Variants in NCOR1 observed in about 807,000 individuals in gnomAD.
The protein encoded by NCOR1 is nuclear receptor corepressor 1, also known as protein phosphatase 1, regulatory subunit 109.
A neutral mutation model predicts 288.1 loss-of-function variants in NCOR1; 63 were observed. The observed-to-expected ratio is 0.22, with a 90% CI of 0.18 to 0.27. The LOEUF is 0.27. Among genes scored for constraint, NCOR1 ranks in the 10% least tolerant of loss-of-function variants. NCOR1 has a pLI of 1.00. For synonymous variants in NCOR1, 1,007 were observed against 1,065.9 expected (o/e 0.94, Z 1.08); for missense variants, 2,397 against 3,019.2 (o/e 0.79, Z 4.83).
At chr17:16,194,179 G>C (rs1286266797) in intron 2 of NCOR1, among the ~76,000 whole-genome samples, 2 of 151,998 alleles carry the variant, frequency 1.3e-5, no homozygotes, top group African/African-American at 2.4e-5. Context: ...TATAAATATA[G>C]GTCTTACCCC....
At chr17:16,195,385 C>T (rs546220974) in intron 1 of NCOR1, among the ~76,000 whole-genome samples, 6 of 152,070 alleles carry the variant, frequency 3.9e-5, no homozygotes, top group South Asian at 2.1e-4. Flanking sequence ...GCAGGAGAAT[C>T]GCTTGAGCCT....
At chr17:16,048,738 A>C in intron 41 of NCOR1, 107 bp downstream of exon 41, 2 of 1,242,856 alleles carry the variant, frequency 1.6e-6, no homozygotes, top group Non-Finnish European at 2.1e-6. Context: ...AATGCCATCC[A>C]GACATAAAAG....
intron 15 of NCOR1, chr17:16,122,778 A>AGACACGT (rs1238932242): frequency 2.0e-5 from 3 of 152,474 alleles, no homozygotes; most frequent in Non-Finnish European, 4.4e-5. Flanking sequence ...CTGGGACTAC[A>AGACACGT]GACACGTGCC....
chr17:16,036,662 CT>C (rs1376680173), intron 44 of NCOR1, among the ~76,000 whole-genome samples: 20 of 152,248 alleles, frequency 1.3e-4, no homozygotes, highest in African/African-American at 4.8e-4. Flanking sequence ...TCTTCAACCT[CT>C]GAATGGCCTC....
At position 16,073,418 on chromosome 17, in the gene NCOR1, CAA is replaced by C. The variant is rs2152749781; in HGVS notation, c.3811+9_3811+10del. The C allele has an allele frequency of 6.4e-7, 1 of 1,554,278 alleles. No homozygotes were observed. Among genetic ancestry groups the C allele is most frequent in the East Asian group, 2.4e-5 (1 of 42,206 alleles). The stretch of plus-strand genomic sequence containing the variant: ...ATGTATCAAAATAACATTCTGAAAA[CAA>C]TGCTTTACCCTCTAACGGTGCTGAT... On this transcript the variant is annotated intron_variant, in intron 28 of 45. Coordinates refer to ENST00000268712, the MANE Select transcript of NCOR1 (RefSeq NM_006311.4).
intron 1 of NCOR1, among the ~76,000 whole-genome samples, chr17:16,210,022 C>G (rs780786054): frequency 5.9e-5 from 9 of 151,824 alleles, no homozygotes; most frequent in Non-Finnish European, 1.3e-4. Context: ...ATCCTTCATA[C>G]TTAAAAAAAA....
intron 2 of NCOR1, among the ~76,000 whole-genome samples, chr17:16,189,292 G>A (rs945912730): frequency 2.0e-5 from 3 of 152,120 alleles, no homozygotes; most frequent in Non-Finnish European, 2.9e-5. Context: ...TACTCAGGAG[G>A]CTGAGGCATG....
At chr17:16,095,258 C>A (rs1298808498) in intron 21 of NCOR1, among the ~76,000 whole-genome samples, 1 of 150,382 alleles carries the variant, frequency 6.6e-6, no homozygotes, top group African/African-American at 2.4e-5. Flanking sequence ...CCGGCCGCGA[C>A]CCCGTCTGGG....
intron 3 of NCOR1, among the ~76,000 whole-genome samples, chr17:16,172,491 T>C (rs1206594861): frequency 1.3e-5 from 2 of 152,204 alleles, no homozygotes; most frequent in Non-Finnish European, 2.9e-5. Context: ...AATGCCATAA[T>C]AATTAAATTT....
At chr17:16,102,596 TA>T (rs1422168847) in intron 19 of NCOR1, among the ~76,000 whole-genome samples, 1 of 151,062 alleles carries the variant, frequency 6.6e-6, no homozygotes, top group East Asian at 2.0e-4. Flanking sequence ...TCTGCATATC[TA>T]ATTTTTTTTT....
intron 18 of NCOR1, among the ~76,000 whole-genome samples, chr17:16,111,172 A>G (rs1282816335): frequency 6.6e-6 from 1 of 152,204 alleles, no homozygotes; most frequent in Non-Finnish European, 1.5e-5. Context: ...TAGGGAAGAG[A>G]CAACTTTTTA....
chr17:16,045,084 G>A, intron 42 of NCOR1: 1 of 333,746 alleles, frequency 3.0e-6, no homozygotes, highest in Non-Finnish European at 5.6e-6. Flanking sequence ...ATAAGACTGG[G>A]GGGATAGTTA....
chr17:16,064,035 CCA>C, intron 35 of NCOR1, 31 bp downstream of exon 35: 1 of 1,611,370 alleles, frequency 6.2e-7, no homozygotes, highest in Non-Finnish European at 8.5e-7. Flanking sequence ...TAAGATGTGT[CCA>C]GAGAATGGAA....
intron 26 of NCOR1, among the ~76,000 whole-genome samples, chr17:16,078,362 C>T (rs983141723): frequency 2.6e-5 from 4 of 152,162 alleles, no homozygotes; most frequent in Admixed American, 6.5e-5. Flanking sequence ...AAATCCTTAA[C>T]GCCCACTTCA....
At chr17:16,149,259 G>T (rs914859819) in intron 9 of NCOR1, among the ~76,000 whole-genome samples, 192 bp downstream of exon 9, 8 of 144,670 alleles carry the variant, frequency 5.5e-5, no homozygotes, top group African/African-American at 2.1e-4. Flanking sequence ...TGTAAGGTAT[G>T]GTATCAAAAT....
intron 17 of NCOR1, among the ~76,000 whole-genome samples, chr17:16,118,687 C>G (rs932851026): frequency 6.6e-6 from 1 of 152,100 alleles, no homozygotes; most frequent in African/African-American, 2.4e-5. Flanking sequence ...ATGTGTCACT[C>G]AAATGTCAAG....
At chr17:16,051,628 T>C (rs1420928383) in intron 40 of NCOR1, among the ~76,000 whole-genome samples, 2 of 152,046 alleles carry the variant, frequency 1.3e-5, no homozygotes, top group East Asian at 3.9e-4. Context: ...TAACCAAAAC[T>C]GCAGGGGGCG....
At chr17:16,092,647 T>TTATTTATATATATA (rs1555628451) in intron 21 of NCOR1, among the ~76,000 whole-genome samples, 4 of 32,132 alleles carry the variant, frequency 1.2e-4, no homozygotes, top group South Asian at 1.9e-3. Context: ...TCAGATCCAT[T>TTATTTATATATATA]TATATATATA....
intron 3 of NCOR1, among the ~76,000 whole-genome samples, chr17:16,178,017 CT>C (rs2084582616): frequency 2.0e-5 from 3 of 150,458 alleles, no homozygotes. Context: ...CGAGACTAGC[CT>C]GGCCAACATG....
Sources: allele counts gnomAD v4.1 joint callset (sites outside exome capture counted in the v4.1 genomes callset), GRCh38; gene constraint gnomAD v4.1.1; transcripts MANE v1.5; gene names NCBI Gene and HGNC (gene_info 2026-07-23, HGNC 2026-07-21).